PDZRN3: variants seen among roughly 807,000 people sequenced by gnomAD.
PDZRN3 encodes the protein E3 ubiquitin-protein ligase PDZRN3.
Under a neutral mutation model 85.7 loss-of-function variants are expected in PDZRN3, and 38 were observed. The observed-to-expected ratio is 0.44, with a 90% CI of 0.34 to 0.58. The LOEUF is 0.58. PDZRN3 is among the 20% of genes least tolerant of loss of function. The pLI, the probability that PDZRN3 is intolerant of heterozygous loss-of-function variation, is 0.01. For missense variants in PDZRN3, 1,629 were observed against 1,506.4 expected (o/e 1.08, Z -1.35); for synonymous variants, 759 against 638.0 (o/e 1.19, Z -2.86).
intron 3 of PDZRN3, among the ~76,000 whole-genome samples, chr3:73,468,767 G>C (rs993952806): frequency 6.6e-6 from 1 of 152,096 alleles, no homozygotes; most frequent in South Asian, 2.1e-4. Flanking sequence ...AGGTTAAGCG[G>C]GAGATCTGGA....
rs528633841 is a variant in PDZRN3 at position 73,536,618 on chromosome 3, G to C, written c.918+65736C>G. Among the ~76,000 whole-genome samples, 27 of 152,294 alleles carry C rather than the reference G, an allele frequency of 1.8e-4. 1 individual carries two copies. The highest frequency in any genetic ancestry group is 1.6e-3 in the Admixed American group (24 of 15,290). ...TGAGAACTTATTTTAAGAAACAAAG[G>C]CTTCTTTAAACCAATATACGTAATT... On this transcript the variant is annotated intron_variant, in intron 3 of 9. Coordinates refer to ENST00000263666, the MANE Select transcript of PDZRN3 (RefSeq NM_015009.3).
chr3:73,387,423 C>T (rs1701419131), intron 8 of PDZRN3, among the ~76,000 whole-genome samples: 1 of 152,326 alleles, frequency 6.6e-6, no homozygotes, highest in East Asian at 1.9e-4. Flanking sequence ...TATCACCCTC[C>T]TTCTGGGCCT....
intron 3 of PDZRN3, among the ~76,000 whole-genome samples, chr3:73,500,129 A>G (rs147236825): frequency 3.7e-4 from 56 of 152,088 alleles, no homozygotes; most frequent in Non-Finnish European, 6.8e-4. Context: ...GATCATGGCT[A>G]ACCGCAGCCT....
chr3:73,488,586 A>T (rs1468060557), intron 3 of PDZRN3, among the ~76,000 whole-genome samples: 2 of 151,982 alleles, frequency 1.3e-5, no homozygotes, highest in Non-Finnish European at 2.9e-5. Context: ...CAAGTCTCTC[A>T]CCTTCTCGGC....
intron 5 of PDZRN3, among the ~76,000 whole-genome samples, chr3:73,399,750 T>C (rs1460286229): frequency 2.0e-5 from 3 of 152,190 alleles, no homozygotes; most frequent in Non-Finnish European, 4.4e-5. Context: ...GTGAGAATAC[T>C]GGCCATTGCT....
intron 3 of PDZRN3, among the ~76,000 whole-genome samples, chr3:73,479,019 A>G (rs1024553139): frequency 6.6e-6 from 1 of 152,268 alleles, no homozygotes; most frequent in Non-Finnish European, 1.5e-5. Context: ...CTAATAATTC[A>G]GCACTGAATG....
At chr3:73,452,612 T>C (rs770573528) in intron 3 of PDZRN3, among the ~76,000 whole-genome samples, 2 of 152,116 alleles carry the variant, frequency 1.3e-5, no homozygotes, top group African/African-American at 4.8e-5. Flanking sequence ...CCATCCTAAC[T>C]GGTGGTATTA....
At chr3:73,556,662 G>C (rs1387960264) in intron 3 of PDZRN3, 1 of 152,198 alleles carries the variant, frequency 6.6e-6, no homozygotes, top group African/African-American at 2.4e-5. Flanking sequence ...ACCACCCAGT[G>C]CATGGAGATG....
intron 5 of PDZRN3, among the ~76,000 whole-genome samples, chr3:73,400,204 C>G (rs1202657841): frequency 6.6e-6 from 1 of 152,114 alleles, no homozygotes; most frequent in East Asian, 1.9e-4. Context: ...TTTTTTGAAA[C>G]CCCATTGAAA....
chr3:73,419,057 C>T (rs1448448136), intron 3 of PDZRN3, among the ~76,000 whole-genome samples: 1 of 152,112 alleles, frequency 6.6e-6, no homozygotes, highest in Non-Finnish European at 1.5e-5. Context: ...TGGACTAGAT[C>T]CCTATGACGG....
At chr3:73,427,599 C>G (rs1466912842) in intron 3 of PDZRN3, among the ~76,000 whole-genome samples, 2 of 152,194 alleles carry the variant, frequency 1.3e-5, no homozygotes, top group Non-Finnish European at 2.9e-5. Flanking sequence ...CTGTCTTCTC[C>G]CTTGTGACCC....
chr3:73,472,235 C>T (rs997806907), intron 3 of PDZRN3, among the ~76,000 whole-genome samples: 4 of 152,314 alleles, frequency 2.6e-5, no homozygotes, highest in African/African-American at 9.6e-5. Flanking sequence ...GGTGTCCTTT[C>T]CTTCAAATCT....
chr3:73,528,880 T>TG (rs1704586499), intron 3 of PDZRN3, among the ~76,000 whole-genome samples: 1 of 137,238 alleles, frequency 7.3e-6, no homozygotes, highest in Admixed American at 7.2e-5. Flanking sequence ...GAATCTTTTG[T>TG]GGGAAACACA....
intron 3 of PDZRN3, among the ~76,000 whole-genome samples, chr3:73,454,043 AAGTAC>A (rs1702928663): frequency 6.6e-6 from 1 of 152,194 alleles, no homozygotes; most frequent in South Asian, 2.1e-4. Flanking sequence ...GGCCTGTGAA[AAGTAC>A]AGGTAAAAAT....
rs758388530 is a variant in PDZRN3 at position 73,483,519 on chromosome 3, GC to G, written c.919-79125del. ...ATCATGATGCTCTTTCAGGTTTCCTGCCATTCTCTCTTTTCTGGGGAAAGTG... is the reference window on the plus strand; with the variant it reads ...ATCATGATGCTCTTTCAGGTTTCCTGCATTCTCTCTTTTCTGGGGAAAGTG... On this transcript the variant is annotated intron_variant, in intron 3 of 9. Coordinates refer to ENST00000263666, the MANE Select transcript of PDZRN3 (RefSeq NM_015009.3). 7.8e-4 allele frequency among the ~76,000 whole-genome samples: 119 copies of G among 152,288 alleles called. 1 individual carries two copies. Among genetic ancestry groups the G allele is most frequent in the East Asian group, 9.6e-4 (5 of 5,194 alleles).
At chr3:73,573,968 C>T (rs1381732230) in intron 3 of PDZRN3, among the ~76,000 whole-genome samples, 3 of 152,270 alleles carry the variant, frequency 2.0e-5, no homozygotes, top group Non-Finnish European at 4.4e-5. Flanking sequence ...GCCAAGTTTG[C>T]CTTGCCATAT....
At chr3:73,452,529 T>C (rs1216024807) in intron 3 of PDZRN3, among the ~76,000 whole-genome samples, 1 of 152,226 alleles carries the variant, frequency 6.6e-6, no homozygotes, top group African/African-American at 2.4e-5. Context: ...CTGGGACCTC[T>C]ACTTTCACAG....
chr3:73,449,129 G>C (rs890292551), intron 3 of PDZRN3, among the ~76,000 whole-genome samples: 1 of 152,124 alleles, frequency 6.6e-6, no homozygotes, highest in Admixed American at 6.5e-5. Context: ...GCTAACAAGT[G>C]AAACTACAAG....
At chr3:73,605,217 A>AG (rs933292209) in intron 2 of PDZRN3, among the ~76,000 whole-genome samples, 4 of 152,040 alleles carry the variant, frequency 2.6e-5, no homozygotes, top group Non-Finnish European at 5.9e-5. Flanking sequence ...CAAAAAAAAA[A>AG]AAAAAGCTAG....
Sources: gnomAD v4.1 joint callset for allele counts (sites outside exome capture counted in the v4.1 genomes callset) on GRCh38, gnomAD v4.1.1 for gene constraint, MANE v1.5 for transcripts, NCBI Gene and HGNC (gene_info 2026-07-23, HGNC 2026-07-21) for gene names.